Variants in GOLGA8K observed in about 807,000 individuals in gnomAD.
The protein encoded by GOLGA8K is golgin subfamily A member 8K.
Under a neutral mutation model 75.2 loss-of-function variants are expected in GOLGA8K, and 12 were observed. That is an observed-to-expected ratio of 0.16 (90% confidence interval 0.10 to 0.26). The LOEUF (loss-of-function observed/expected upper bound fraction) is 0.26. Among genes scored for constraint, GOLGA8K ranks in the 10% least tolerant of loss-of-function variants. The probability of loss-of-function intolerance (pLI) is 1.00; values close to 1 mark genes in which losing one functional copy is unlikely to be tolerated. For synonymous variants in GOLGA8K, 48 were observed against 236.6 expected, an observed-to-expected ratio of 0.20 and a Z score of 7.32; for missense variants, 109 against 640.8, an observed-to-expected ratio of 0.17 and a Z score of 8.96.
At position 32,394,727 on chromosome 15, in the gene GOLGA8K, G is replaced by A. The variant is rs777022711; in HGVS notation, c.1214C>T (p.Ala405Val). 1.3e-4 allele frequency: 198 copies of A among 1,547,486 alleles called. 21 individuals carry two copies. The South Asian group carries it at 1.5e-3, about 12-fold the overall frequency. ...TAGCTGCTGGTTCTGCTGGCTGGCC[G>A]CTTCCAGGTGCTCCTGAGGGGCCAG... ...QEKLGEEHLE[A>V]ASQQNQQLTA... The change falls in exon 14 of 19, where the codon GCG becomes GTG. Residue 405 changes from alanine to valine, a missense_variant. Ala to Val is a moderately conservative substitution (Grantham distance 64). Transcript: ENST00000512626.
rs1413101170 is a variant in GOLGA8K, at chr15:32,397,478, G to T, written c.617C>A (p.Thr206Lys). 1 of 1,536,962 alleles carries T rather than the reference G, an allele frequency of 6.5e-7. No individual in the cohort carries two copies. Among genetic ancestry groups the T allele is most frequent in the Admixed American group, 1.8e-5 (1 of 55,772 alleles). The change falls in exon 9 of 19, where the codon ACG becomes AAG. Residue 206 changes from threonine to lysine, a missense_variant. Physicochemically the swap from Thr to Lys is moderately conservative, Grantham distance 78. Coordinates refer to ENST00000512626, the MANE Select transcript of GOLGA8K (RefSeq NM_001282493.2). Reference sequence around the variant, plus strand: ...CATGGACTGCTCTAACTTCCACTCCGTACGTGCTTTGCTGCGGCTGGACAA... The same window carrying T: ...CATGGACTGCTCTAACTTCCACTCCTTACGTGCTTTGCTGCGGCTGGACAA... ...NQLSSRSKAR[T>K]EWKLEQSMRE...
At position 32,395,876 on chromosome 15, in the gene GOLGA8K, C is replaced by T. The variant is rs1350618486; in HGVS notation, c.1200+87G>A. The T allele has an allele frequency of 7.7e-6, 12 of 1,557,606 alleles. 1 individual carries two copies. The highest frequency in any genetic ancestry group is 3.7e-5 in the Admixed American group (2 of 53,748). On this transcript the variant is annotated intron_variant, in intron 13 of 18. Transcript: ENST00000512626. ...TCACCAGCCCCCAGGCTGGAAGCTG[C>T]CTCTGACCTGGCACCTCCCCTCCCA...
In GOLGA8K at chr15:32,394,253, G is replaced by A. The variant is rs1438056511; in HGVS notation, c.1277-20C>T. Reference sequence around the variant, plus strand: ...CGTGTCCTGTGGGGGGTGGCCAGAGGGGTCTTCAGACAACCCAACAAGGGA... The same window carrying A: ...CGTGTCCTGTGGGGGGTGGCCAGAGAGGTCTTCAGACAACCCAACAAGGGA... On this transcript the variant is annotated intron_variant, in intron 14 of 18. Coordinates refer to ENST00000512626, the MANE Select transcript of GOLGA8K (RefSeq NM_001282493.2). 1.3e-6 allele frequency: 2 copies of A among 1,513,148 alleles called. No individual in the cohort carries two copies. The highest frequency in any genetic ancestry group is 1.8e-6 in the Non-Finnish European group (2 of 1,121,158). The allele number at this position is 1,513,148 out of a possible 1,614,324, so 93.7% of individuals were successfully genotyped here.
chr15:32,395,852 C>G, intron 13 of GOLGA8K, 111 bp downstream of exon 13: 1 of 1,523,180 alleles, frequency 6.6e-7, no homozygotes, highest in African/African-American at 1.4e-5. Context: ...GTGCTGTGGT[C>G]ACCAGCCCCC....
chr15:32,398,202 T>C (rs2054655877), intron 8 of GOLGA8K, among the ~76,000 whole-genome samples: 1 of 141,934 alleles, frequency 7.0e-6, no homozygotes, highest in African/African-American at 2.7e-5. Flanking sequence ...ATGCACGCGT[T>C]TCCTCTTTCT....
rs577311063 is a variant in GOLGA8K, at chr15:32,395,857, G to A, written c.1200+106C>T. ...GCCCTGGGGGGTGCTGTGGTCACCA[G>A]CCCCCAGGCTGGAAGCTGCCTCTGA... is the stretch of plus-strand genomic sequence containing the variant. On this transcript the variant is annotated intron_variant, in intron 13 of 18. Transcript: ENST00000512626. 1.1e-4 allele frequency: 164 copies of A among 1,530,980 alleles called. 2 individuals carry two copies. The African/African-American group carries it at 2.0e-3, about 19-fold the overall frequency. The allele number at this position is 1,530,980 out of a possible 1,614,324, so 94.8% of individuals were successfully genotyped here. A position where few individuals can be genotyped will look rare whatever the true frequency, so the allele number is the denominator to read the frequency against.
At position 32,397,402 on chromosome 15, in the gene GOLGA8K, C is replaced by T. The variant is rs1371011466; in HGVS notation, c.678+15G>A. 8.8e-6 allele frequency: 11 copies of T among 1,252,254 alleles called. 1 individual carries two copies. 77.6% of individuals were successfully genotyped at this position (1,252,254 alleles called of 1,614,324 possible). A position where few individuals can be genotyped will look rare whatever the true frequency, so the allele number is the denominator to read the frequency against. ...GGTCATCTTCCTTCCACATAACTCC[C>T]TCAGAAAACCTCACCTGTGTCAGCT... On this transcript the variant is annotated intron_variant, in intron 9 of 18. Coordinates refer to ENST00000512626, the MANE Select transcript of GOLGA8K (RefSeq NM_001282493.2).
chr15:32,397,680 T>C (rs1405693497), intron 8 of GOLGA8K, among the ~76,000 whole-genome samples, 177 bp from the exon 9 acceptor site: 14 of 152,004 alleles, frequency 9.2e-5, no homozygotes, highest in African/African-American at 3.4e-4. Context: ...GGACAGGGAA[T>C]GAGACTGAGT....
chr15:32,397,295 G>C lies in GOLGA8K; in HGVS notation c.694C>G (p.Gln232Glu), dbSNP rs2054634684. 10 of 1,577,220 alleles carry C rather than the reference G, an allele frequency of 6.3e-6. 1 individual carries two copies. The highest frequency in any genetic ancestry group is 7.8e-6 in the Non-Finnish European group (9 of 1,156,138). Reference sequence around the variant, plus strand: ...TCATCTCTTTCTAATTGGACTTGTTGAAAAGACTCCTTCAACTGCAAGAAT... The same window carrying C: ...TCATCTCTTTCTAATTGGACTTGTTCAAAAGACTCCTTCAACTGCAAGAAT... The part of the protein sequence containing the change: ...VQLTQLKESF[Q>E]QVQLERDEYS... Residue 232 changes from glutamine (Q) to glutamate (E), a missense_variant, in exon 10 of 19, where the codon CAA becomes GAA. Gln to Glu is a conservative substitution (Grantham distance 29). Transcript: ENST00000512626.
rs1288588073 is a variant in GOLGA8K, at chr15:32,393,473, T to C, written c.1463A>G (p.Gln488Arg). ...FIHHWRDRRH[Q>R]KTHHLLSEPG... Reference sequence around the variant, plus strand: ...TGCTGTGCCCTGGCCTCCCACTCACTGATGGCGTCTGTCTCGCCAGTGGTG... The same window carrying C: ...TGCTGTGCCCTGGCCTCCCACTCACCGATGGCGTCTGTCTCGCCAGTGGTG... The change falls in exon 16 of 19, where the codon CAG (glutamine) becomes CGG (arginine). Residue 488 changes from glutamine to arginine, a missense_variant and splice_region_variant. Transcript: ENST00000512626. 2 of 1,125,104 alleles carry C rather than the reference T, an allele frequency of 1.8e-6. No homozygotes were observed. Among genetic ancestry groups the C allele is most frequent in the Non-Finnish European group, 2.3e-6 (2 of 851,656 alleles). The allele number at this position is 1,125,104 out of a possible 1,614,324, so 69.7% of individuals were successfully genotyped here. A position where few individuals can be genotyped will look rare whatever the true frequency, so the allele number is the denominator to read the frequency against.
chr15:32,392,981 T>C, intron 18 of GOLGA8K, 24 bp from the exon 19 acceptor site: 2 of 1,300,860 alleles, frequency 1.5e-6, no homozygotes, highest in Non-Finnish European at 2.1e-6. Flanking sequence ...GAGGCAGGGA[T>C]CTGAGCACAG....
At position 32,389,924 on chromosome 15, in the gene GOLGA8K, A is replaced by G. The variant is rs1393241893; in HGVS notation, c.*2858T>C. On this transcript the variant is annotated 3_prime_UTR_variant, in exon 19 of 19. Coordinates refer to ENST00000512626, the MANE Select transcript of GOLGA8K (RefSeq NM_001282493.2). ...TAAAATGACTAAGATAAAGTTTTAG[A>G]GAAACTATATTATGGATAGGGCTGA... Among the ~76,000 whole-genome samples the G allele has an allele frequency of 9.6e-6, 1 of 103,786 alleles. No homozygotes were observed. The highest frequency in any genetic ancestry group is 3.2e-5 in the African/African-American group (1 of 31,368). The allele number at this position is 103,786 out of a possible 152,430, so 68.1% of individuals were successfully genotyped here. A position where few individuals can be genotyped will look rare whatever the true frequency, so the allele number is the denominator to read the frequency against.
intron 8 of GOLGA8K, among the ~76,000 whole-genome samples, chr15:32,397,987 G>A (rs1348593705): frequency 1.3e-5 from 2 of 152,092 alleles, no homozygotes. Context: ...TGGGGATGGG[G>A]GCACAGATAG....
In GOLGA8K at chr15:32,397,456, G is replaced by A. The variant is rs879308150; in HGVS notation, c.639C>T (p.Ser213=). 1.9e-6 allele frequency: 3 copies of A among 1,544,512 alleles called. No individual in the cohort carries two copies. Among genetic ancestry groups the A allele is most frequent in the East Asian group, 4.6e-5 (2 of 43,818 alleles). ...KARTEWKLEQ[S]MREEALLKVQ... ...CTTTCAGTAGTGCCTCCTCCCGCAT[G>A]GACTGCTCTAACTTCCACTCCGTAC... Residue 213 remains serine (S), a synonymous_variant, in exon 9 of 19, where the codon TCC becomes TCT. Coordinates refer to ENST00000512626, the MANE Select transcript of GOLGA8K (RefSeq NM_001282493.2).
At chr15:32,395,895 C>T in intron 13 of GOLGA8K, 68 bp downstream of exon 13, 4 of 1,552,958 alleles carry the variant, frequency 2.6e-6, no homozygotes, top group Non-Finnish European at 3.5e-6. Flanking sequence ...TGGCACCTCC[C>T]CTCCCAAGAG....
At chr15:32,394,928 G>C (rs1319877211) in intron 13 of GOLGA8K, among the ~76,000 whole-genome samples, 188 bp from the exon 14 acceptor site, 4 of 148,998 alleles carry the variant, frequency 2.7e-5, no homozygotes, top group African/African-American at 9.7e-5. Context: ...GTCACTGCCT[G>C]TACAGCGCCT....
chr15:32,400,296 G>C lies in GOLGA8K; in HGVS notation c.229-76C>G. 3.0e-6 allele frequency: 3 copies of C among 999,972 alleles called. 1 individual carries two copies. The highest frequency in any genetic ancestry group is 3.8e-6 in the Non-Finnish European group (3 of 787,694). The allele number at this position is 999,972 out of a possible 1,614,324, so 61.9% of individuals were successfully genotyped here. A position where few individuals can be genotyped will look rare whatever the true frequency, so the allele number is the denominator to read the frequency against. On this transcript the variant is annotated intron_variant, in intron 3 of 18. Transcript: ENST00000512626. ...AGAGAGAACAATCATTAGGGCTGGG[G>C]TGTGTAGGCTGTCTCAGCTGGCAGA...
chr15:32,396,744 G>A, intron 11 of GOLGA8K, among the ~76,000 whole-genome samples, 176 bp downstream of exon 11: 1 of 146,490 alleles, frequency 6.8e-6, no homozygotes, highest in South Asian at 2.1e-4. Context: ...TTTGCTGATG[G>A]GGACACTGAG....
intron 8 of GOLGA8K, among the ~76,000 whole-genome samples, 187 bp downstream of exon 8, chr15:32,398,373 A>AC (rs1314467924): frequency 1.2e-4 from 17 of 143,850 alleles, no homozygotes; most frequent in African/African-American, 4.3e-4. Context: ...CCACACAGTG[A>AC]CCCCCAACTC....
Sources: gnomAD v4.1 joint callset for allele counts (sites outside exome capture counted in the v4.1 genomes callset) on GRCh38, gnomAD v4.1.1 for gene constraint, MANE v1.5 for transcripts, NCBI Gene and HGNC (gene_info 2026-07-23, HGNC 2026-07-21) for gene names.